The following CEP112 variants were observed in gnomAD, a reference collection of about 807,000 sequenced individuals.
The protein encoded by CEP112 is centrosomal protein of 112 kDa.
Under a neutral mutation model 153.0 loss-of-function variants are expected in CEP112, and 127 were observed. That is an observed-to-expected ratio of 0.83 (90% CI 0.72 to 0.96). The LOEUF (loss-of-function observed/expected upper bound fraction) is 0.96, where lower values mean the gene tolerates loss of function less well. Ranked by LOEUF, CEP112 falls within the 40% of genes least tolerant of loss-of-function variation. CEP112 has a pLI of 0.00. For synonymous variants in CEP112, 358 were observed against 374.4 expected, an observed-to-expected ratio of 0.96 and a Z score of 0.51; for missense variants, 1,089 against 1,101.2, an observed-to-expected ratio of 0.99 and a Z score of 0.16.
chr17:65,857,810 TATAAG>T lies in CEP112; in HGVS notation c.2164-5781_2164-5777del, dbSNP rs556619476. Reference sequence around the variant, plus strand: ...CTTTTTCATCCTCTGAAAGAATCAGTATAAGATGAGTTATTTGTTTCTTAAATATT... The same window carrying T: ...CTTTTTCATCCTCTGAAAGAATCAGTATGAGTTATTTGTTTCTTAAATATT... On this transcript the variant is annotated intron_variant, in intron 20 of 26. Transcript: ENST00000535342. Among the ~76,000 whole-genome samples, 272 of 152,300 alleles carry T rather than the reference TATAAG, an allele frequency of 1.8e-3. 1 individual carries two copies. Among genetic ancestry groups the T allele is most frequent in the African/African-American group, 6.1e-3 (254 of 41,570 alleles).
In CEP112 at chr17:65,954,217, T is replaced by G. The variant is rs993766435; in HGVS notation, c.1872+7246A>C. Reference sequence around the variant, plus strand: ...TCCCCAGTACCAACCCACAGCCTGGTAGCTCCACTGGGTGGCTAGACCCAG... The same window carrying G: ...TCCCCAGTACCAACCCACAGCCTGGGAGCTCCACTGGGTGGCTAGACCCAG... On this transcript the variant is annotated intron_variant, in intron 18 of 26. Transcript: ENST00000535342. 2.0e-5 allele frequency among the ~76,000 whole-genome samples: 3 copies of G among 152,300 alleles called. No individual in the cohort carries two copies. The East Asian group carries it at 5.8e-4, about 29-fold the overall frequency.
intron 19 of CEP112, among the ~76,000 whole-genome samples, chr17:65,904,560 TCAAGCTACCA>T (rs1161762572): frequency 6.6e-6 from 1 of 152,210 alleles, no homozygotes; most frequent in African/African-American, 2.4e-5. Context: ...GCTATCCCCA[TCAAGCTACCA>T]TTGACTTTCT....
At chr17:65,958,182 T>C (rs528097321) in intron 18 of CEP112, among the ~76,000 whole-genome samples, 14 of 152,324 alleles carry the variant, frequency 9.2e-5, no homozygotes, top group Middle Eastern at 3.4e-3. Flanking sequence ...ATGCTTCATT[T>C]CTGGATTGGT....
intron 6 of CEP112, among the ~76,000 whole-genome samples, chr17:66,098,935 T>C (rs976890346): frequency 6.6e-6 from 1 of 152,028 alleles, no homozygotes; most frequent in African/African-American, 2.4e-5. Context: ...CTAGTAGTGG[T>C]GGAACTAAAT....
At chr17:66,048,092 T>C (rs547115737) in intron 12 of CEP112, among the ~76,000 whole-genome samples, 1 of 134,982 alleles carries the variant, frequency 7.4e-6, no homozygotes, top group Admixed American at 8.8e-5. Context: ...TATTGTTGTA[T>C]CATTTTTGTT....
intron 11 of CEP112, 124 bp from the exon 12 acceptor site, chr17:66,054,003 T>A: frequency 1.7e-6 from 1 of 579,790 alleles, no homozygotes. Context: ...CACCAAAAGA[T>A]ACAAAAAACC....
chr17:65,858,516 G>A (rs1295399637), intron 20 of CEP112, among the ~76,000 whole-genome samples: 1 of 151,896 alleles, frequency 6.6e-6, no homozygotes. Flanking sequence ...AATCTCTGAT[G>A]ATCTGGAATA....
intron 18 of CEP112, among the ~76,000 whole-genome samples, chr17:65,956,155 A>T (rs1259213616): frequency 2.0e-5 from 3 of 152,138 alleles, no homozygotes; most frequent in African/African-American, 7.2e-5. Context: ...TACTGGTGGG[A>T]ATGTAAAGTA....
chr17:66,154,353 A>G (rs547968403), intron 4 of CEP112, among the ~76,000 whole-genome samples: 10 of 151,884 alleles, frequency 6.6e-5, no homozygotes, highest in Non-Finnish European at 1.3e-4. Flanking sequence ...CGTCTCTACT[A>G]AAAATACAAA....
At chr17:65,823,467 T>C (rs1196510191) in intron 21 of CEP112, among the ~76,000 whole-genome samples, 1 of 152,098 alleles carries the variant, frequency 6.6e-6, no homozygotes, top group African/African-American at 2.4e-5. Context: ...ACAGAAACAA[T>C]TGAATCTTAA....
At chr17:65,937,546 CGCCCCGTCCGGG>C (rs2061366111) in intron 18 of CEP112, among the ~76,000 whole-genome samples, 3 of 109,388 alleles carry the variant, frequency 2.7e-5, no homozygotes, top group East Asian at 4.4e-4. Context: ...CCCGGCCAGC[CGCCCCGTCCGGG>C]AGGGAGGTGG....
intron 18 of CEP112, among the ~76,000 whole-genome samples, chr17:65,938,682 A>G: frequency 6.6e-6 from 1 of 152,206 alleles, no homozygotes; most frequent in Non-Finnish European, 1.5e-5. Flanking sequence ...GACATAAACT[A>G]TATACAGAAA....
chr17:66,117,060 C>T (rs2069333263), intron 6 of CEP112, among the ~76,000 whole-genome samples: 1 of 151,656 alleles, frequency 6.6e-6, no homozygotes, highest in Non-Finnish European at 1.5e-5. Flanking sequence ...AAAATTTTTA[C>T]AAAAATACAA....
intron 4 of CEP112, among the ~76,000 whole-genome samples, chr17:66,140,851 T>G (rs2070664462): frequency 6.6e-6 from 1 of 152,078 alleles, no homozygotes; most frequent in South Asian, 2.1e-4. Flanking sequence ...TTTGCCATGT[T>G]GGTCAGGCTG....
chr17:65,705,277 A>G (rs1308060432), intron 23 of CEP112, among the ~76,000 whole-genome samples: 1 of 152,224 alleles, frequency 6.6e-6, no homozygotes, highest in African/African-American at 2.4e-5. Flanking sequence ...TTTCAGTGCA[A>G]ATGAGGAAAT....
intron 21 of CEP112, among the ~76,000 whole-genome samples, chr17:65,754,604 CA>C (rs2052112609): frequency 6.8e-6 from 1 of 147,454 alleles, no homozygotes; most frequent in African/African-American, 2.7e-5. Context: ...GCTTCTGTCG[CA>C]AAAAATAAAA....
chr17:65,961,233 G>A (rs575242075), intron 18 of CEP112, among the ~76,000 whole-genome samples: 8 of 152,292 alleles, frequency 5.3e-5, no homozygotes, highest in African/African-American at 1.7e-4. Context: ...GTACATGCTT[G>A]CCATTACTAC....
rs183879606 is a variant in CEP112, at chr17:65,949,675, A to G, written c.1872+11788T>C. 2.0e-5 allele frequency among the ~76,000 whole-genome samples: 3 copies of G among 152,338 alleles called. No homozygotes were observed. In the East Asian group the frequency reaches 5.8e-4, roughly 29 times the overall value. ...TGGCAGAATTGAAGAAGTAAGATCG[A>G]ATACAGACGATGAGCCAGGCATTCA... On this transcript the variant is annotated intron_variant, in intron 18 of 26. Coordinates refer to ENST00000535342, the MANE Select transcript of CEP112 (RefSeq NM_001199165.4).
intron 20 of CEP112, among the ~76,000 whole-genome samples, chr17:65,853,790 T>C (rs113068893): frequency 0.017 from 2,639 of 152,130 alleles, 48 homozygotes; most frequent in Non-Finnish European, 0.026. Flanking sequence ...AGGGACACCA[T>C]TAAACTCAGG....
Sources: gnomAD v4.1 joint callset for allele counts (sites outside exome capture counted in the v4.1 genomes callset) on GRCh38, gnomAD v4.1.1 for gene constraint, MANE v1.5 for transcripts, NCBI Gene and HGNC (gene_info 2026-07-23, HGNC 2026-07-21) for gene names.